MARCHF1: variants seen among roughly 807,000 people sequenced by gnomAD.
MARCHF1 encodes the protein E3 ubiquitin-protein ligase MARCHF1.
In MARCHF1, 40 loss-of-function variants were observed where a neutral mutation model predicts 54.2. The ratio of observed to expected loss-of-function variants is 0.74; its 90% confidence interval spans 0.57 to 0.96. MARCHF1 has a LOEUF of 0.96. Among genes scored for constraint, MARCHF1 ranks in the 40% least tolerant of loss-of-function variants. The probability of loss-of-function intolerance (pLI) is 0.00; values close to 1 mark genes in which losing one functional copy is unlikely to be tolerated. For missense variants in MARCHF1, 586 were observed against 656.5 expected (o/e 0.89, Z 1.17); for synonymous variants, 236 against 236.3 (o/e 1.00, Z 0.01).
intron 1 of MARCHF1, among the ~76,000 whole-genome samples, chr4:164,339,516 T>G (rs1025220906): frequency 6.6e-6 from 1 of 152,016 alleles, no homozygotes; most frequent in African/African-American, 2.4e-5. Flanking sequence ...TAAAATGTCT[T>G]GAGGCAAAAA....
chr4:164,204,962 G>C (rs1441093808), intron 1 of MARCHF1, among the ~76,000 whole-genome samples: 5 of 152,128 alleles, frequency 3.3e-5, no homozygotes, highest in Admixed American at 3.3e-4. Context: ...AGTATAAACA[G>C]TTAAATAAAA....
At chr4:163,698,184 T>C (rs1408382922) in intron 5 of MARCHF1, among the ~76,000 whole-genome samples, 1 of 152,162 alleles carries the variant, frequency 6.6e-6, no homozygotes, top group African/African-American at 2.4e-5. Flanking sequence ...CTAGAAATGC[T>C]CACAGTTTTC....
At chr4:163,654,816 C>T (rs1029450933) in intron 5 of MARCHF1, among the ~76,000 whole-genome samples, 2 of 151,642 alleles carry the variant, frequency 1.3e-5, no homozygotes, top group African/African-American at 2.4e-5. Flanking sequence ...TACAATCTGT[C>T]AATTTAATCT....
At chr4:163,831,520 G>A (rs879636663) in intron 4 of MARCHF1, among the ~76,000 whole-genome samples, 2 of 152,168 alleles carry the variant, frequency 1.3e-5, no homozygotes, top group South Asian at 2.1e-4. Context: ...GAGTCCAGGA[G>A]TTGGTGGCTG....
chr4:164,370,685 G>A (rs1479937846), intron 1 of MARCHF1, among the ~76,000 whole-genome samples: 1 of 152,208 alleles, frequency 6.6e-6, no homozygotes, highest in Non-Finnish European at 1.5e-5. Flanking sequence ...CAGGCGGGCA[G>A]ATCACCTGAG....
intron 5 of MARCHF1, among the ~76,000 whole-genome samples, chr4:163,644,375 T>A (rs13147199): frequency 2.6e-5 from 4 of 151,972 alleles, no homozygotes; most frequent in Admixed American, 1.3e-4. Context: ...CAGATTTACC[T>A]AAAGTGAGAC....
intron 1 of MARCHF1, among the ~76,000 whole-genome samples, chr4:164,226,095 T>A (rs1357304256): frequency 6.6e-6 from 1 of 151,950 alleles, no homozygotes; most frequent in African/African-American, 2.4e-5. Context: ...TTTCTCGTAT[T>A]CTCCTTGGAG....
At chr4:163,851,476 A>C (rs1218902371) in intron 4 of MARCHF1, among the ~76,000 whole-genome samples, 1 of 152,192 alleles carries the variant, frequency 6.6e-6, no homozygotes, top group East Asian at 1.9e-4. Flanking sequence ...AAATGCAGGT[A>C]ATTTGTTCAT....
chr4:164,188,067 C>T (rs1253352274), intron 1 of MARCHF1, among the ~76,000 whole-genome samples: 1 of 152,150 alleles, frequency 6.6e-6, no homozygotes, highest in East Asian at 1.9e-4. Context: ...CTTCAAATGC[C>T]AAGTCAGCGA....
At chr4:163,760,030 G>A (rs1055343517) in intron 4 of MARCHF1, among the ~76,000 whole-genome samples, 1 of 152,160 alleles carries the variant, frequency 6.6e-6, no homozygotes, top group Non-Finnish European at 1.5e-5. Flanking sequence ...GGAGGTGGAA[G>A]GTCTGAAATG....
chr4:164,220,667 C>CTATATATGCATATATGTAATATATGA (rs559295765), intron 1 of MARCHF1, among the ~76,000 whole-genome samples: 2 of 134,322 alleles, frequency 1.5e-5, no homozygotes, highest in Admixed American at 1.5e-4. Flanking sequence ...AATATATATG[C>CTATATATGCATATATGTAATATATGA]TATATGTATA....
intron 1 of MARCHF1, among the ~76,000 whole-genome samples, chr4:164,129,274 A>G (rs948490919): frequency 1.3e-5 from 2 of 152,174 alleles, no homozygotes; most frequent in South Asian, 2.1e-4. Context: ...GTTCGGAAAT[A>G]TGATCTCATA....
intron 2 of MARCHF1, among the ~76,000 whole-genome samples, chr4:164,050,466 C>T (rs946484837): frequency 6.6e-6 from 1 of 151,958 alleles, no homozygotes; most frequent in African/African-American, 2.4e-5. Context: ...CTTCAAAATA[C>T]ATCACACATC....
chr4:163,577,015 T>G (rs7658409), intron 8 of MARCHF1, among the ~76,000 whole-genome samples: 65,001 of 151,742 alleles, frequency 0.43, 14,231 homozygotes, highest in East Asian at 0.53. Context: ...TTCCTTTTTT[T>G]TAAATACAAC....
intron 4 of MARCHF1, among the ~76,000 whole-genome samples, chr4:163,840,049 G>T (rs1015117299): frequency 6.6e-6 from 1 of 152,088 alleles, no homozygotes; most frequent in African/African-American, 2.4e-5. Flanking sequence ...AGATTTTATA[G>T]ACATTAAGTG....
chr4:163,920,492 T>A (rs1751404683), intron 3 of MARCHF1, among the ~76,000 whole-genome samples: 2 of 152,224 alleles, frequency 1.3e-5, no homozygotes, highest in African/African-American at 2.4e-5. Flanking sequence ...TTGCTGTACT[T>A]ACTCCAGCCT....
intron 1 of MARCHF1, among the ~76,000 whole-genome samples, chr4:164,138,250 A>T: frequency 6.7e-6 from 1 of 149,680 alleles, no homozygotes. Context: ...TTGTAACGTT[A>T]AGTTTCTTTT....
At chr4:163,741,541 C>G (rs960386001) in intron 4 of MARCHF1, among the ~76,000 whole-genome samples, 6 of 151,656 alleles carry the variant, frequency 4.0e-5, no homozygotes, top group Non-Finnish European at 7.4e-5. Context: ...AGAGATTGTG[C>G]CACTGCATTG....
At chr4:163,933,535 T>C (rs1196142246) in intron 3 of MARCHF1, among the ~76,000 whole-genome samples, 1 of 152,170 alleles carries the variant, frequency 6.6e-6, no homozygotes. Flanking sequence ...ATGTATCTGG[T>C]ATTTAAGTAA....
Sources: gnomAD v4.1 joint callset for allele counts (sites outside exome capture counted in the v4.1 genomes callset) on GRCh38, gnomAD v4.1.1 for gene constraint, MANE v1.5 for transcripts, NCBI Gene and HGNC (gene_info 2026-07-23, HGNC 2026-07-21) for gene names.